Variants in ZNF440 observed in about 807,000 individuals in gnomAD.
ZNF440 encodes zinc finger protein 440.
A neutral mutation model predicts 49.7 loss-of-function variants in ZNF440; 47 were observed. That is an observed-to-expected ratio of 0.95 (90% CI 0.75 to 1.21). ZNF440 has a LOEUF of 1.21. Among genes scored for constraint, ZNF440 ranks in the 50% most tolerant of loss-of-function variants. The pLI, the probability that ZNF440 is intolerant of heterozygous loss-of-function variation, is 0.00. For missense variants in ZNF440, 703 were observed against 715.0 expected (o/e 0.98, Z 0.19); for synonymous variants, 255 against 237.7 (o/e 1.07, Z -0.67).
intron 1 of ZNF440, among the ~76,000 whole-genome samples, chr19:11,814,868 G>C (rs1324654463): frequency 6.6e-6 from 1 of 152,154 alleles, no homozygotes; most frequent in Non-Finnish European, 1.5e-5. Context: ...AGCGAGCGGG[G>C]TAGGGCAGGG....
chr19:11,834,208 C>T lies in ZNF440; in HGVS notation c.*1244C>T. ...GTGGCATGATCTCAGGTCACTGCAA[C>T]CTCTGCCTCCAGGGTTCAAGCAATT... On this transcript the variant is annotated 3_prime_UTR_variant, in exon 4 of 4. Transcript: ENST00000304060. 4.0e-6 allele frequency: 1 copy of T among 248,638 alleles called. No homozygotes were observed. The highest frequency in any genetic ancestry group is 7.9e-6 in the Non-Finnish European group (1 of 126,592). The allele number at this position is 248,638 out of a possible 1,614,324, so 15.4% of individuals were successfully genotyped here.
intron 1 of ZNF440, 21 bp downstream of exon 1, chr19:11,814,471 G>A: frequency 2.0e-6 from 3 of 1,515,514 alleles, no homozygotes; most frequent in Admixed American, 2.2e-5. Flanking sequence ...GGGGGCTGGC[G>A]TCCGGGCGAC....
Position 11,832,204 on chromosome 19 carries a change from A to C in ZNF440, c.1028A>C (p.Lys343Thr). ...TCTGGAGAAAGACCTTATGAATGTA[A>C]GATATGTGGAAAAGACTTTTGTTCT... ...LHSGERPYEC[K>T]ICGKDFCSVN... Residue 343 changes from lysine to threonine, a missense_variant, in exon 4 of 4, where the codon AAG becomes ACG. Coordinates refer to ENST00000304060, the MANE Select transcript of ZNF440 (RefSeq NM_152357.3). The C allele has an allele frequency of 6.2e-7, 1 of 1,614,218 alleles. No homozygotes were observed. The highest frequency in any genetic ancestry group is 8.5e-7 in the Non-Finnish European group (1 of 1,180,032).
In ZNF440 at chr19:11,832,160, A is replaced by G. The variant is rs1568244296; in HGVS notation, c.984A>G (p.Gln328=). ...CATTATCCTCTCTTACAAGTTTTCA[A>G]ACACACGTAAGATTGCACTCTGGAG... The part of the protein sequence containing the change: ...GKALSSLTSF[Q]THVRLHSGER... Residue 328 remains glutamine (Q), a synonymous_variant, in exon 4 of 4, where the codon CAA becomes CAG. Transcript: ENST00000304060. 1 of 1,614,250 alleles carries G rather than the reference A, an allele frequency of 6.2e-7. No homozygotes were observed. Among genetic ancestry groups the G allele is most frequent in the Admixed American group, 1.7e-5 (1 of 60,034 alleles).
chr19:11,815,027 G>A (rs1185939036), intron 1 of ZNF440, among the ~76,000 whole-genome samples: 2 of 152,188 alleles, frequency 1.3e-5, no homozygotes, highest in African/African-American at 4.8e-5. Flanking sequence ...TGTAACCCCA[G>A]CACTTTGGGA....
In ZNF440 at chr19:11,833,215, GAC is replaced by G; in HGVS notation, c.*258_*259del. 2 of 1,017,002 alleles carry G rather than the reference GAC, an allele frequency of 2.0e-6. No individual in the cohort carries two copies. Among genetic ancestry groups the G allele is most frequent in the Non-Finnish European group, 2.9e-6 (2 of 686,254 alleles). The allele number at this position is 1,017,002 out of a possible 1,614,324, so 63.0% of individuals were successfully genotyped here. A position where few individuals can be genotyped will look rare whatever the true frequency, so the allele number is the denominator to read the frequency against. On this transcript the variant is annotated 3_prime_UTR_variant, in exon 4 of 4. Coordinates refer to ENST00000304060, the MANE Select transcript of ZNF440 (RefSeq NM_152357.3). ...TCAAAAATCTTCGATTTCATAAAAGGACACACACTGGAGAGAAACCCTGTGAA... is the reference window on the plus strand; with the variant it reads ...TCAAAAATCTTCGATTTCATAAAAGGACACACTGGAGAGAAACCCTGTGAA...
intron 1 of ZNF440, among the ~76,000 whole-genome samples, chr19:11,821,752 G>T (rs1393453903): frequency 6.6e-6 from 1 of 152,232 alleles, no homozygotes; most frequent in Non-Finnish European, 1.5e-5. Flanking sequence ...CCCTTGTAAA[G>T]AATTGTTCAT....
chr19:11,832,424 G>T lies in ZNF440; in HGVS notation c.1248G>T (p.Arg416Ser), dbSNP rs371649883. Residue 416 changes from arginine (R) to serine (S), a missense_variant, in exon 4 of 4, where the codon AGG (arginine) becomes AGT (serine). Arg to Ser is a moderately radical substitution (Grantham distance 110, BLOSUM62 -1). Transcript: ENST00000304060. ...CCTCACACCTTCGAGTGCATGGTAG[G>T]ACTCACACTGGAGAGAAACCGTATG... is the stretch of plus-strand genomic sequence containing the variant. Reference protein sequence around the residue: ...RSASHLRVHGRTHTGEKPYEC... With the variant: ...RSASHLRVHGSTHTGEKPYEC... The T allele has an allele frequency of 4.3e-6, 7 of 1,613,010 alleles. No individual in the cohort carries two copies. The highest frequency in any genetic ancestry group is 2.2e-5 in the South Asian group (2 of 91,030).
At chr19:11,814,485 G>A (rs1203329040) in intron 1 of ZNF440, 35 bp downstream of exon 1, 6 of 1,502,990 alleles carry the variant, frequency 4.0e-6, no homozygotes, top group Non-Finnish European at 5.3e-6. Context: ...GGGCGACTGG[G>A]AGAGGGGCTG....
chr19:11,833,796 G>C lies in ZNF440; in HGVS notation c.*832G>C, dbSNP rs1040577788. Reference sequence around the variant, plus strand: ...ATCAGCCTCGCACCTTCAAATGCATGGAAGGACTCACACTGGAGAAAAACC... The same window carrying C: ...ATCAGCCTCGCACCTTCAAATGCATCGAAGGACTCACACTGGAGAAAAACC... On this transcript the variant is annotated 3_prime_UTR_variant, in exon 4 of 4. Transcript: ENST00000304060. 3.6e-6 allele frequency: 3 copies of C among 824,122 alleles called. No homozygotes were observed. Among genetic ancestry groups the C allele is most frequent in the Non-Finnish European group, 5.4e-6 (3 of 558,824 alleles). The allele number at this position is 824,122 out of a possible 1,614,324, so 51.1% of individuals were successfully genotyped here. A position where few individuals can be genotyped will look rare whatever the true frequency, so the allele number is the denominator to read the frequency against.
In ZNF440 at chr19:11,833,779, C is replaced by T. The variant is rs942793858; in HGVS notation, c.*815C>T. 5 of 847,202 alleles carry T rather than the reference C, an allele frequency of 5.9e-6. No homozygotes were observed. The highest frequency in any genetic ancestry group is 3.5e-5 in the African/African-American group (2 of 56,912). 52.5% of individuals were successfully genotyped at this position (847,202 alleles called of 1,614,324 possible). ...TGTGGGAAAGCCTTCAGATCAGCCT[C>T]GCACCTTCAAATGCATGGAAGGACT... On this transcript the variant is annotated 3_prime_UTR_variant, in exon 4 of 4. Coordinates refer to ENST00000304060, the MANE Select transcript of ZNF440 (RefSeq NM_152357.3).
intron 1 of ZNF440, chr19:11,829,991 A>G (rs1472040632): frequency 7.3e-6 from 3 of 413,326 alleles, no homozygotes; most frequent in East Asian, 4.6e-5. Context: ...GCATGGTGGC[A>G]TATGCCTGTA....
In ZNF440 at chr19:11,833,088, G is replaced by A; in HGVS notation, c.*124G>A. 6 of 1,515,316 alleles carry A rather than the reference G, an allele frequency of 4.0e-6. No individual in the cohort carries two copies. Among genetic ancestry groups the A allele is most frequent in the Non-Finnish European group, 5.5e-6 (6 of 1,098,482 alleles). The allele number at this position is 1,515,316 out of a possible 1,614,324, so 93.9% of individuals were successfully genotyped here. The stretch of plus-strand genomic sequence containing the variant: ...AAACCCTATGAGTGTAAGCAATGTG[G>A]GAAAGCCTTTGTTTCCTTCACTTCC... On this transcript the variant is annotated 3_prime_UTR_variant, in exon 4 of 4. Transcript: ENST00000304060.
At chr19:11,830,511 A>G (rs1975922788) in intron 2 of ZNF440, 102 bp downstream of exon 2, 3 of 1,599,764 alleles carry the variant, frequency 1.9e-6, no homozygotes, top group Non-Finnish European at 2.6e-6. Context: ...AAATACTTTG[A>G]TGAATAAATG....
At chr19:11,818,017 C>T (rs1223363470) in intron 1 of ZNF440, among the ~76,000 whole-genome samples, 1 of 151,988 alleles carries the variant, frequency 6.6e-6, no homozygotes, top group Non-Finnish European at 1.5e-5. Context: ...CGATACCAGC[C>T]TGATGAAACC....
intron 1 of ZNF440, among the ~76,000 whole-genome samples, chr19:11,814,695 G>A (rs1046981902): frequency 3.3e-5 from 5 of 152,212 alleles, no homozygotes; most frequent in African/African-American, 1.2e-4. Flanking sequence ...CACATTATGC[G>A]GGGGCCACGG....
At chr19:11,814,565 T>TC in intron 1 of ZNF440, 115 bp downstream of exon 1, 1 of 1,220,568 alleles carries the variant, frequency 8.2e-7, no homozygotes, top group Non-Finnish European at 1.1e-6. Flanking sequence ...TGGACGCGAG[T>TC]CCCCTCGGTC....
chr19:11,819,908 A>T (rs561746010), intron 1 of ZNF440, among the ~76,000 whole-genome samples: 2 of 152,136 alleles, frequency 1.3e-5, no homozygotes, highest in Admixed American at 1.3e-4. Flanking sequence ...TCTTATTTAA[A>T]TTTTTTCACA....
At chr19:11,829,660 C>G (rs1403585510) in intron 1 of ZNF440, among the ~76,000 whole-genome samples, 1 of 152,130 alleles carries the variant, frequency 6.6e-6, no homozygotes, top group Non-Finnish European at 1.5e-5. Context: ...TTGTTCAGTT[C>G]TAGCATCACA....
Sources: gnomAD v4.1 joint callset for allele counts (sites outside exome capture counted in the v4.1 genomes callset) on GRCh38, gnomAD v4.1.1 for gene constraint, MANE v1.5 for transcripts, NCBI Gene and HGNC (gene_info 2026-07-23, HGNC 2026-07-21) for gene names.